CPE: variants seen among roughly 807,000 people sequenced by gnomAD.
CPE encodes carbocypeptidase E.
A neutral mutation model predicts 53.5 loss-of-function variants in CPE; 17 were observed. The observed-to-expected ratio is 0.32, with a 90% confidence interval of 0.22 to 0.48. CPE has a LOEUF of 0.48. Among genes scored for constraint, CPE ranks in the 20% least tolerant of loss-of-function variants. The pLI is 0.99. For synonymous variants in CPE, 226 were observed against 228.8 expected (o/e 0.99, Z 0.11); for missense variants, 524 against 614.7 (o/e 0.85, Z 1.56).
intron 3 of CPE, among the ~76,000 whole-genome samples, chr4:165,481,016 ATTTTT>A (rs11421146): frequency 1.8e-5 from 2 of 110,996 alleles, no homozygotes; most frequent in African/African-American, 6.8e-5. Flanking sequence ...ATATATATAT[ATTTTT>A]TTTTTTTTTT....
At chr4:165,417,864 G>A (rs10029982) in intron 1 of CPE, among the ~76,000 whole-genome samples, 45,926 of 151,470 alleles carry the variant, frequency 0.3, 7,035 homozygotes, top group Middle Eastern at 0.41. Flanking sequence ...GTAGTGAATG[G>A]GAAAATTGAG....
rs148393989 is a variant in CPE at position 165,492,373 on chromosome 4, A to T, written c.1114-798A>T. On this transcript the variant is annotated intron_variant, in intron 6 of 8. Coordinates refer to ENST00000402744, the MANE Select transcript of CPE (RefSeq NM_001873.4). ...TTAATTGACAGTAGCCATATAATGA[A>T]TACACAGGTGACCAAAATTGAAAGA... Among the ~76,000 whole-genome samples the T allele has an allele frequency of 9.0e-3, 1,367 of 152,334 alleles. 7 individuals are homozygous for T. Among genetic ancestry groups the T allele is most frequent in the Middle Eastern group, 0.027 (8 of 294 alleles).
intron 1 of CPE, among the ~76,000 whole-genome samples, chr4:165,448,173 TA>T (rs1731748528): frequency 6.6e-6 from 1 of 152,176 alleles, no homozygotes; most frequent in African/African-American, 2.4e-5. Flanking sequence ...TGTTGACCTA[TA>T]GAGGGGTAGA....
chr4:165,498,527 T>G lies in CPE; in HGVS notation c.*917T>G, dbSNP rs936178407. 6.6e-6 allele frequency among the ~76,000 whole-genome samples: 1 copy of G among 152,232 alleles called. No individual in the cohort carries two copies. The highest frequency in any genetic ancestry group is 2.4e-5 in the African/African-American group (1 of 41,462). On this transcript the variant is annotated 3_prime_UTR_variant, in exon 9 of 9. Coordinates refer to ENST00000402744, the MANE Select transcript of CPE (RefSeq NM_001873.4). ...GTTCTGATTTTGGGCACAACCTTTATATAAATAACACAAAAATTAATGTTT... is the reference window on the plus strand; with the variant it reads ...GTTCTGATTTTGGGCACAACCTTTAGATAAATAACACAAAAATTAATGTTT...
intron 2 of CPE, among the ~76,000 whole-genome samples, chr4:165,466,301 A>G (rs941444961): frequency 6.6e-6 from 1 of 152,204 alleles, no homozygotes; most frequent in African/African-American, 2.4e-5. Flanking sequence ...AAAATACAGC[A>G]TAAAAGATAA....
At chr4:165,484,751 T>A in intron 5 of CPE, 147 bp downstream of exon 5, 1 of 798,458 alleles carries the variant, frequency 1.3e-6, no homozygotes, top group Non-Finnish European at 1.9e-6. Context: ...TCCATTAAAG[T>A]CAACTTTTTG....
At chr4:165,425,974 G>A (rs1331709506) in intron 1 of CPE, among the ~76,000 whole-genome samples, 1 of 152,164 alleles carries the variant, frequency 6.6e-6, no homozygotes, top group South Asian at 2.1e-4. Flanking sequence ...TATTGTGCCT[G>A]AATGAATTGC....
At chr4:165,406,334 C>T (rs1730953600) in intron 1 of CPE, 5 of 545,884 alleles carry the variant, frequency 9.2e-6, no homozygotes, top group Non-Finnish European at 1.1e-5. Context: ...TGCCAATCGC[C>T]CGGTAGACCA....
intron 1 of CPE, chr4:165,404,168 A>G: frequency 1.3e-6 from 1 of 762,070 alleles, no homozygotes; most frequent in Admixed American, 1.7e-5. Context: ...GAGCCGGTCC[A>G]CTATCTTCTG....
intron 1 of CPE, among the ~76,000 whole-genome samples, chr4:165,445,744 TA>T (rs1201121177): frequency 6.6e-6 from 1 of 152,222 alleles, no homozygotes; most frequent in Non-Finnish European, 1.5e-5. Context: ...ACCAGAATTT[TA>T]TTTTTTTAAG....
At chr4:165,490,843 T>C (rs991180765) in intron 6 of CPE, among the ~76,000 whole-genome samples, 3 of 152,146 alleles carry the variant, frequency 2.0e-5, no homozygotes, top group Admixed American at 6.5e-5. Flanking sequence ...AAATGGAGAA[T>C]CTTCTGGAGG....
intron 4 of CPE, 57 bp from the exon 5 acceptor site, chr4:165,484,365 C>T: frequency 6.7e-7 from 1 of 1,489,858 alleles, no homozygotes; most frequent in Non-Finnish European, 9.2e-7. Context: ...CTTTAGAAAA[C>T]ATGCTGTGCT....
chr4:165,441,099 A>G (rs771361386), intron 1 of CPE, among the ~76,000 whole-genome samples: 5 of 152,296 alleles, frequency 3.3e-5, no homozygotes, highest in Non-Finnish European at 7.4e-5. Context: ...TTACAGCAGT[A>G]TTCCCAGGGG....
chr4:165,441,563 G>A lies in CPE; in HGVS notation c.308-22827G>A, dbSNP rs1050895890. Among the ~76,000 whole-genome samples, 4 of 152,100 alleles carry A rather than the reference G, an allele frequency of 2.6e-5. No homozygotes were observed. The East Asian group carries it at 5.8e-4, about 22-fold the overall frequency. ...AGAACCAGTCATTATAACTTTCAGG[G>A]TGGGCATTTTCCACGAGATCCTGGT... On this transcript the variant is annotated intron_variant, in intron 1 of 8. Transcript: ENST00000402744.
chr4:165,484,505 A>T lies in CPE; in HGVS notation c.874A>T (p.Met292Leu). Residue 292 changes from methionine (M) to leucine (L), a missense_variant, in exon 5 of 9, where the codon ATG (methionine) becomes TTG (leucine). By Grantham distance (15) the Met-to-Leu change is conservative (BLOSUM62 2). Coordinates refer to ENST00000402744, the MANE Select transcript of CPE (RefSeq NM_001873.4). ...GGCATACTCTTCTTTCAACCCGGCC[A>T]TGTCTGACCCCAATCGGCCACCATG... is the stretch of plus-strand genomic sequence containing the variant. ...ARAYSSFNPA[M>L]SDPNRPPCRK... The T allele has an allele frequency of 6.2e-7, 1 of 1,614,120 alleles. No homozygotes were observed. Among genetic ancestry groups the T allele is most frequent in the Non-Finnish European group, 8.5e-7 (1 of 1,179,986 alleles).
chr4:165,404,438 T>C lies in CPE; in HGVS notation c.307+24910T>C, dbSNP rs756912041. On this transcript the variant is annotated intron_variant, in intron 1 of 8. Coordinates refer to ENST00000402744, the MANE Select transcript of CPE (RefSeq NM_001873.4). ...CAAATTCTTATTCTTCACACTCTCC[T>C]GATAGATGGAAAAGCCCTTCCCAGA... 82 of 767,212 alleles carry C rather than the reference T, an allele frequency of 1.1e-4. No individual in the cohort carries two copies. The Middle Eastern group carries it at 1.4e-3, about 13-fold the overall frequency. 47.5% of individuals were successfully genotyped at this position (767,212 alleles called of 1,614,324 possible).
At chr4:165,435,661 C>T (rs1210256331) in intron 1 of CPE, among the ~76,000 whole-genome samples, 1 of 152,132 alleles carries the variant, frequency 6.6e-6, no homozygotes, top group Admixed American at 6.5e-5. Flanking sequence ...AATAACATTA[C>T]ACATAAATTT....
chr4:165,429,090 A>G (rs1236781133), intron 1 of CPE, among the ~76,000 whole-genome samples: 1 of 152,156 alleles, frequency 6.6e-6, no homozygotes, highest in African/African-American at 2.4e-5. Context: ...CCTGCAACTC[A>G]GTGGCTTAAT....
At chr4:165,476,875 A>C (rs1732310326) in intron 3 of CPE, among the ~76,000 whole-genome samples, 1 of 151,108 alleles carries the variant, frequency 6.6e-6, no homozygotes, top group Admixed American at 6.6e-5. Context: ...CTTTCATGGG[A>C]GAGGGGGAGC....
Sources: allele counts gnomAD v4.1 joint callset (sites outside exome capture counted in the v4.1 genomes callset), GRCh38; gene constraint gnomAD v4.1.1; transcripts MANE v1.5; gene names NCBI Gene and HGNC (gene_info 2026-07-23, HGNC 2026-07-21).